Variants in FAP observed in about 807,000 individuals in gnomAD.
FAP encodes the protein fibroblast activation protein alpha, also known as prolyl endopeptidase FAP.
FAP carries 110 observed loss-of-function variants against 126.5 expected under a neutral mutation model. The ratio of observed to expected loss-of-function variants is 0.87; its 90% CI spans 0.74 to 1.02. The LOEUF (loss-of-function observed/expected upper bound fraction) is 1.02, where lower values mean the gene tolerates loss of function less well. FAP is among the 50% of genes least tolerant of loss of function. FAP has a pLI of 0.00. For synonymous variants in FAP, 334 were observed against 297.3 expected (o/e 1.12, Z -1.27); for missense variants, 919 against 909.2 (o/e 1.01, Z -0.14).
intron 2 of FAP, among the ~76,000 whole-genome samples, chr2:162,233,212 C>T (rs1252242216): frequency 1.3e-5 from 2 of 152,184 alleles, no homozygotes; most frequent in Admixed American, 6.5e-5. Context: ...CTGTGCTCCT[C>T]TTCCAAATTT....
At chr2:162,218,377 AT>A (rs1409509179) in intron 8 of FAP, among the ~76,000 whole-genome samples, 1 of 152,128 alleles carries the variant, frequency 6.6e-6, no homozygotes, top group Non-Finnish European at 1.5e-5. Context: ...CAGAAATGTA[AT>A]TTTTTAAATA....
At chr2:162,194,448 G>T (rs1268151790) in intron 17 of FAP, among the ~76,000 whole-genome samples, 1 of 152,024 alleles carries the variant, frequency 6.6e-6, no homozygotes, top group Non-Finnish European at 1.5e-5. Flanking sequence ...GGAGAAGATA[G>T]AATTAAACCC....
intron 14 of FAP, 96 bp from the exon 15 acceptor site, chr2:162,200,715 TTATC>T: frequency 1.8e-6 from 1 of 568,870 alleles, no homozygotes; most frequent in Non-Finnish European, 3.1e-6. Flanking sequence ...AGGTAAGCAT[TTATC>T]TAATGAAACA....
At chr2:162,179,369 A>G (rs1199122385) in intron 21 of FAP, among the ~76,000 whole-genome samples, 1 of 151,718 alleles carries the variant, frequency 6.6e-6, no homozygotes, top group Non-Finnish European at 1.5e-5. Flanking sequence ...TACTAGTGGG[A>G]CACATTTGAG....
At chr2:162,229,556 G>T (rs954601417) in intron 2 of FAP, among the ~76,000 whole-genome samples, 5 of 151,986 alleles carry the variant, frequency 3.3e-5, no homozygotes, top group African/African-American at 1.2e-4. Context: ...AATCATAAGT[G>T]CAATTTGTAC....
intron 14 of FAP, 130 bp from the exon 15 acceptor site, chr2:162,200,749 C>T (rs1239272387): frequency 2.0e-6 from 1 of 505,514 alleles, no homozygotes; most frequent in Non-Finnish European, 3.5e-6. Context: ...TGCTTAAGTA[C>T]ACAAATAACT....
intron 12 of FAP, among the ~76,000 whole-genome samples, chr2:162,205,608 G>A (rs904299194): frequency 1.3e-5 from 2 of 151,930 alleles, no homozygotes; most frequent in African/African-American, 4.8e-5. Context: ...CTGTCGCCCG[G>A]GCACAAGTGA....
intron 6 of FAP, among the ~76,000 whole-genome samples, chr2:162,222,038 T>A (rs1053213881): frequency 6.6e-6 from 1 of 152,110 alleles, no homozygotes; most frequent in Non-Finnish European, 1.5e-5. Context: ...TTTGATTAAA[T>A]TCACTGCAGA....
intron 11 of FAP, among the ~76,000 whole-genome samples, chr2:162,211,460 A>C (rs1228211457): frequency 2.0e-5 from 3 of 152,182 alleles, no homozygotes; most frequent in Non-Finnish European, 4.4e-5. Context: ...AACTTGGAGA[A>C]TAATAAGATT....
At chr2:162,210,934 A>G (rs1003720719) in intron 11 of FAP, among the ~76,000 whole-genome samples, 2 of 152,204 alleles carry the variant, frequency 1.3e-5, no homozygotes, top group Non-Finnish European at 2.9e-5. Context: ...TATACCAAAA[A>G]GCTCTGGTAT....
At position 162,243,371 on chromosome 2, in the gene FAP, C is replaced by T. The variant is rs774278037; in HGVS notation, c.-44G>A. 2.5e-6 allele frequency: 4 copies of T among 1,604,758 alleles called. No individual in the cohort carries two copies. The highest frequency in any genetic ancestry group is 1.7e-5 in the Admixed American group (1 of 58,172). On this transcript the variant is annotated 5_prime_UTR_variant, in exon 1 of 26. Coordinates refer to ENST00000188790, the MANE Select transcript of FAP (RefSeq NM_004460.5). Reference sequence around the variant, plus strand: ...AAGTTAGCTAATTCTGTCTTCAGAGCGTGGGTCACTGGATCTGTGAAAACC... The same window carrying T: ...AAGTTAGCTAATTCTGTCTTCAGAGTGTGGGTCACTGGATCTGTGAAAACC...
intron 20 of FAP, among the ~76,000 whole-genome samples, chr2:162,184,979 T>C (rs1687812963): frequency 2.0e-5 from 3 of 152,144 alleles, no homozygotes; most frequent in African/African-American, 7.2e-5. Context: ...CAGGAAATGA[T>C]AGTGCAATAG....
chr2:162,226,098 C>G (rs1433890045), intron 3 of FAP, among the ~76,000 whole-genome samples: 1 of 152,058 alleles, frequency 6.6e-6, no homozygotes, highest in Non-Finnish European at 1.5e-5. Context: ...TTTTGAAAAG[C>G]TGTATGAAAA....
At chr2:162,218,943 T>C in intron 8 of FAP, 120 bp downstream of exon 8, 1 of 764,916 alleles carries the variant, frequency 1.3e-6, no homozygotes, top group Admixed American at 3.6e-5. Flanking sequence ...TAGAGACAAT[T>C]TTCAGCAATG....
chr2:162,216,644 T>C (rs890669555), intron 9 of FAP, among the ~76,000 whole-genome samples: 1 of 152,228 alleles, frequency 6.6e-6, no homozygotes, highest in Non-Finnish European at 1.5e-5. Context: ...CTAGACAGTT[T>C]CTTAGAGTTC....
rs140297886 is a variant in FAP at position 162,203,058 on chromosome 2, A to G, written c.1135T>C (p.Tyr379His). 1.1e-5 allele frequency: 18 copies of G among 1,612,432 alleles called. No individual in the cohort carries two copies. Among genetic ancestry groups the G allele is most frequent in the Non-Finnish European group, 1.4e-5 (17 of 1,178,634 alleles). The change falls in exon 13 of 26, where the codon TAT becomes CAT. Residue 379 changes from tyrosine to histidine, a missense_variant. Tyr to His is a moderately conservative substitution (Grantham distance 83). Transcript: ENST00000188790. ...SDKDGYKHIH[Y>H]IKDTVENAIQ... Reference sequence around the variant, plus strand: ...GAACGTACCACAGTGTCTTTGATATAGTGAATATGTTTGTAGCCATCCTTG... The same window carrying G: ...GAACGTACCACAGTGTCTTTGATATGGTGAATATGTTTGTAGCCATCCTTG...
chr2:162,216,410 A>C (rs954888649), intron 9 of FAP, among the ~76,000 whole-genome samples: 1 of 152,206 alleles, frequency 6.6e-6, no homozygotes, highest in Non-Finnish European at 1.5e-5. Context: ...GAGAATGGAA[A>C]GAAAAATAAA....
rs774791462 is a variant in FAP at position 162,218,135 on chromosome 2, T to A, written c.613A>T (p.Met205Leu). 1.1e-5 allele frequency: 17 copies of A among 1,597,976 alleles called. 1 individual carries two copies. The highest frequency in any genetic ancestry group is 2.7e-5 in the African/African-American group (2 of 74,092). ...CAGAGAGCATATTTTGTAGCAAGCA[T>A]TTCCTCTGAAAAATAAGTACTAGGA... ...GIPDWVYEEE[M>L]LATKYALWWS... Residue 205 changes from methionine (M) to leucine (L), a missense_variant, in exon 9 of 26, where the codon ATG becomes TTG. Physicochemically the swap from Met to Leu is conservative, Grantham distance 15 (BLOSUM62 2). Coordinates refer to ENST00000188790, the MANE Select transcript of FAP (RefSeq NM_004460.5).
intron 21 of FAP, chr2:162,175,920 CA>C (rs556097234): frequency 4.7e-5 from 7 of 149,940 alleles, no homozygotes; most frequent in South Asian, 2.1e-4. Flanking sequence ...GGACATGGAC[CA>C]AAAAAAAATG....
Sources: allele counts gnomAD v4.1 joint callset (sites outside exome capture counted in the v4.1 genomes callset), GRCh38; gene constraint gnomAD v4.1.1; transcripts MANE v1.5; gene names NCBI Gene and HGNC (gene_info 2026-07-23, HGNC 2026-07-21).